LAMA3: variants seen among roughly 807,000 people sequenced by gnomAD.
LAMA3 encodes the protein laminin subunit alpha 3, also known as laminin subunit alpha-3.
LAMA3 carries 281 observed loss-of-function variants against 402.0 expected under a neutral mutation model. The observed-to-expected ratio is 0.70, with a 90% CI of 0.63 to 0.77. The LOEUF is 0.77. Among genes scored for constraint, LAMA3 ranks in the 30% least tolerant of loss-of-function variants. The probability of loss-of-function intolerance (pLI) is 0.00; values close to 1 mark genes in which losing one functional copy is unlikely to be tolerated. For missense variants in LAMA3, 3,840 were observed against 4,215.5 expected (o/e 0.91, Z 2.47); for synonymous variants, 1,431 against 1,558.4 (o/e 0.92, Z 1.93).
intron 62 of LAMA3, among the ~76,000 whole-genome samples, chr18:23,926,222 G>A (rs1006684732): frequency 6.6e-6 from 1 of 152,196 alleles, no homozygotes; most frequent in Admixed American, 6.5e-5. Flanking sequence ...CTTATTGTAA[G>A]TTGGATTCAT....
intron 25 of LAMA3, among the ~76,000 whole-genome samples, chr18:23,838,411 C>G (rs568353486): frequency 2.3e-4 from 35 of 152,128 alleles, no homozygotes; most frequent in Non-Finnish European, 4.0e-4. Context: ...CACACCACAT[C>G]CCCTATCTTC....
chr18:23,909,759 T>C (rs1356434320), intron 55 of LAMA3, among the ~76,000 whole-genome samples: 1 of 152,246 alleles, frequency 6.6e-6, no homozygotes, highest in Non-Finnish European at 1.5e-5. Context: ...CCTTTCTTGT[T>C]TTAACCTGAC....
intron 62 of LAMA3, among the ~76,000 whole-genome samples, chr18:23,924,100 C>T (rs2081930617): frequency 6.6e-6 from 1 of 152,034 alleles, no homozygotes; most frequent in African/African-American, 2.4e-5. Context: ...AGTGATCCTC[C>T]CACCCCCAGA....
intron 62 of LAMA3, among the ~76,000 whole-genome samples, chr18:23,927,539 A>G (rs2082039634): frequency 6.6e-6 from 1 of 152,168 alleles, no homozygotes; most frequent in Non-Finnish European, 1.5e-5. Context: ...GCAGCATATG[A>G]ACCCAGACAA....
chr18:23,840,377 C>CTTTTTTTTTTTTTTTTT lies in LAMA3; in HGVS notation c.3336+451_3336+452insTTTTTTTTTTTTTTTTT, dbSNP rs201657216. ...ATAGTTATTGTAGCCAAGAACCTTT[C>CTTTTTTTTTTTTTTTTT]TTTCTTTTTTTTTTTTTTTTTTTGA... On this transcript the variant is annotated intron_variant, in intron 27 of 74. Coordinates refer to ENST00000313654, the MANE Select transcript of LAMA3 (RefSeq NM_198129.4). Among the ~76,000 whole-genome samples the CTTTTTTTTTTTTTTTTT allele has an allele frequency of 7.5e-5, 6 of 79,514 alleles. 2 individuals are homozygous for CTTTTTTTTTTTTTTTTT. Among genetic ancestry groups the CTTTTTTTTTTTTTTTTT allele is most frequent in the Non-Finnish European group, 1.4e-4 (6 of 43,148 alleles). 52.2% of individuals were successfully genotyped at this position (79,514 alleles called of 152,430 possible). A position where few individuals can be genotyped will look rare whatever the true frequency, so the allele number is the denominator to read the frequency against.
At chr18:23,721,245 A>C (rs961013800) in intron 2 of LAMA3, among the ~76,000 whole-genome samples, 2 of 152,158 alleles carry the variant, frequency 1.3e-5, no homozygotes, top group African/African-American at 2.4e-5. Context: ...GAGAACGCTG[A>C]TTAATACTGT....
intron 2 of LAMA3, among the ~76,000 whole-genome samples, chr18:23,729,112 TTGTGTGTGTA>T (rs1422710704): frequency 1.5e-4 from 15 of 99,394 alleles, no homozygotes; most frequent in African/African-American, 6.7e-4. Flanking sequence ...ATATGATGTA[TTGTGTGTGTA>T]TGTGTGTGTG....
Position 23,868,226 on chromosome 18 carries a change from A to G in LAMA3, c.4767+309A>G, listed in dbSNP as rs377067315. 5.3e-5 allele frequency among the ~76,000 whole-genome samples: 8 copies of G among 152,290 alleles called. No individual in the cohort carries two copies. The East Asian group carries it at 1.2e-3, about 22-fold the overall frequency. On this transcript the variant is annotated intron_variant, in intron 37 of 74. Coordinates refer to ENST00000313654, the MANE Select transcript of LAMA3 (RefSeq NM_198129.4). ...GCAAATGTTCCAAAATAGAAAAAAA[A>G]TTCTGAAACTTGGATCACTTCTGGT...
In LAMA3 at chr18:23,872,198, C is replaced by T. The variant is rs3810075; in HGVS notation, c.4998+537C>T. On this transcript the variant is annotated intron_variant, in intron 38 of 74. Coordinates refer to ENST00000313654, the MANE Select transcript of LAMA3 (RefSeq NM_198129.4). ...ACTGACCTTATACCTTTCTCTAATC[C>T]GGAGCCTCCCTCTACCCACTCTCAA... Among the ~76,000 whole-genome samples, 288 of 152,224 alleles carry T rather than the reference C, an allele frequency of 1.9e-3. 8 individuals are homozygous for T. The East Asian group carries it at 0.044, about 23-fold the overall frequency.
chr18:23,951,640 A>C (rs371668497), intron 72 of LAMA3, 44 bp from the exon 73 acceptor site: 58 of 1,518,688 alleles, frequency 3.8e-5, no homozygotes, highest in Non-Finnish European at 5.1e-5. Flanking sequence ...GGTCGGCTCC[A>C]CCTGCCTTCC....
chr18:23,718,621 C>T (rs1219718511), intron 2 of LAMA3, among the ~76,000 whole-genome samples: 1 of 152,112 alleles, frequency 6.6e-6, no homozygotes. Flanking sequence ...TGCAGGGCTG[C>T]GGGGGAGTGA....
At chr18:23,865,478 T>A (rs553977453) in intron 36 of LAMA3, among the ~76,000 whole-genome samples, 1 of 152,314 alleles carries the variant, frequency 6.6e-6, no homozygotes, top group South Asian at 2.1e-4. Flanking sequence ...CAATTTTGTT[T>A]CATAAATGTC....
At position 23,758,472 on chromosome 18, in the gene LAMA3, T is replaced by C. The variant is rs2143677902; in HGVS notation, c.1024T>C (p.Trp342Arg). The C allele has an allele frequency of 6.2e-7, 1 of 1,613,234 alleles. No individual in the cohort carries two copies. Among genetic ancestry groups the C allele is most frequent in the South Asian group, 1.1e-5 (1 of 91,076 alleles). Residue 342 changes from tryptophan to arginine, a missense_variant, in exon 7 of 75, where the codon TGG becomes CGG. By Grantham distance (101) the Trp-to-Arg change is moderately radical. Coordinates refer to ENST00000313654, the MANE Select transcript of LAMA3 (RefSeq NM_198129.4). Reference sequence around the variant, plus strand: ...CTGCACAGGGTACAATCAGAGGCGCTGGCGGCCCGCCGCTTGGGAGCAGAG... The same window carrying C: ...CTGCACAGGGTACAATCAGAGGCGCCGGCGGCCCGCCGCTTGGGAGCAGAG... ...RCCTGYNQRR[W>R]RPAAWEQSHE...
At chr18:23,808,123 C>T (rs1452227037) in intron 12 of LAMA3, among the ~76,000 whole-genome samples, 1 of 152,016 alleles carries the variant, frequency 6.6e-6, no homozygotes, top group East Asian at 1.9e-4. Flanking sequence ...ATTTTTAGAT[C>T]TTAGAGATCA....
At position 23,933,862 on chromosome 18, in the gene LAMA3, A is replaced by G; in HGVS notation, c.8789A>G (p.Asn2930Ser). The G allele has an allele frequency of 6.2e-7, 1 of 1,614,164 alleles. No individual in the cohort carries two copies. Among genetic ancestry groups the G allele is most frequent in the Non-Finnish European group, 8.5e-7 (1 of 1,179,994 alleles). The change falls in exon 67 of 75, where the codon AAC becomes AGC. Residue 2930 changes from asparagine (N) to serine (S), a missense_variant. Transcript: ENST00000313654. Reference protein sequence around the residue: ...RDVSLGGCSLNKPPFLMLLKG... With the variant: ...RDVSLGGCSLSKPPFLMLLKG... ...GTGTCCCTGGGAGGCTGCAGTTTAA[A>G]CAAACCACCTTTTCTAATGTTGCTT...
intron 2 of LAMA3, among the ~76,000 whole-genome samples, chr18:23,746,733 C>T (rs1234773097): frequency 6.6e-6 from 1 of 151,750 alleles, no homozygotes; most frequent in Non-Finnish European, 1.5e-5. Context: ...AGATAGAACT[C>T]ATACAAACAA....
chr18:23,751,370 A>G (rs1214378960), intron 5 of LAMA3, among the ~76,000 whole-genome samples: 2 of 152,198 alleles, frequency 1.3e-5, no homozygotes, highest in Admixed American at 6.5e-5. Context: ...TACAGCCAAC[A>G]ATTCCCAAAT....
chr18:23,937,359 CCTT>C (rs1483461671), intron 67 of LAMA3, among the ~76,000 whole-genome samples: 3 of 128,796 alleles, frequency 2.3e-5, no homozygotes, highest in Admixed American at 8.8e-5. Context: ...GAGTGAGACT[CCTT>C]CTCAAAAGCA....
intron 18 of LAMA3, 64 bp downstream of exon 18, chr18:23,816,551 C>G: frequency 7.6e-7 from 1 of 1,307,312 alleles, no homozygotes; most frequent in African/African-American, 1.4e-5. Flanking sequence ...ACATTCCTGC[C>G]TGTGCTACAG....
Sources: allele counts gnomAD v4.1 joint callset (sites outside exome capture counted in the v4.1 genomes callset), GRCh38; gene constraint gnomAD v4.1.1; transcripts MANE v1.5; gene names NCBI Gene and HGNC (gene_info 2026-07-23, HGNC 2026-07-21).